HIF3A: variants seen among roughly 807,000 people sequenced by gnomAD.
HIF3A encodes the protein hypoxia-inducible factor 3-alpha.
HIF3A carries 41 observed loss-of-function variants against 67.2 expected under a neutral mutation model. That is an observed-to-expected ratio of 0.61 (90% CI 0.48 to 0.79). The LOEUF (loss-of-function observed/expected upper bound fraction) is 0.79. HIF3A is among the 30% of genes least tolerant of loss of function. HIF3A has a pLI of 0.00. For missense variants in HIF3A, 855 were observed against 898.0 expected, an observed-to-expected ratio of 0.95 and a Z score of 0.61; for synonymous variants, 356 against 374.8, an observed-to-expected ratio of 0.95 and a Z score of 0.58.
At chr19:46,298,656 C>A in intron 1 of HIF3A, 1 of 539,958 alleles carries the variant, frequency 1.9e-6, no homozygotes, top group Non-Finnish European at 2.8e-6. Flanking sequence ...AGGTAGTATT[C>A]CCGGAGAAGA....
intron 13 of HIF3A, among the ~76,000 whole-genome samples, chr19:46,333,981 G>A (rs372497754): frequency 2.5e-4 from 38 of 151,574 alleles, no homozygotes; most frequent in African/African-American, 8.7e-4. Flanking sequence ...TTTTAGTAGA[G>A]ACAGGGTTTC....
rs768224285 is a variant in HIF3A, at chr19:46,334,960, C to T, written c.1886C>T (p.Pro629Leu). 6 of 1,607,772 alleles carry T rather than the reference C, an allele frequency of 3.7e-6. No homozygotes were observed. The highest frequency in any genetic ancestry group is 5.1e-6 in the Non-Finnish European group (6 of 1,177,066). The change falls in exon 14 of 15, where the codon CCA (proline) becomes CTA (leucine). Residue 629 changes from proline to leucine, a missense_variant. Coordinates refer to ENST00000377670, the MANE Select transcript of HIF3A (RefSeq NM_152795.4). Reference protein sequence around the residue: ...APGSLQDPSTPLLNLNEPLGL... With the variant: ...APGSLQDPSTLLLNLNEPLGL... ...GGGAGCCTGCAGGACCCCAGCACCC[C>T]ACTCCTGAACCTGAATGAGCCCCTG...
chr19:46,303,604 A>G lies in HIF3A; in HGVS notation c.27-294A>G, dbSNP rs897999950. ...TAGCCTGGGAAATAAACTGCAGATA[A>G]GTCAGGGAGGGGACAGAGCGGCCCT... is the stretch of plus-strand genomic sequence containing the variant. On this transcript the variant is annotated intron_variant, in intron 1 of 14. Coordinates refer to ENST00000377670, the MANE Select transcript of HIF3A (RefSeq NM_152795.4). 1.9e-6 allele frequency: 3 copies of G among 1,555,760 alleles called. No homozygotes were observed. In the African/African-American group the frequency reaches 4.1e-5, roughly 21 times the overall value.
chr19:46,306,496 G>A (rs1281216724), intron 3 of HIF3A: 2 of 152,216 alleles, frequency 1.3e-5, no homozygotes, highest in Non-Finnish European at 2.9e-5. Flanking sequence ...TCATGCATTT[G>A]CATATCATCC....
At chr19:46,302,700 A>G (rs1385665356) in intron 1 of HIF3A, among the ~76,000 whole-genome samples, 2 of 152,054 alleles carry the variant, frequency 1.3e-5, no homozygotes, top group East Asian at 3.9e-4. Flanking sequence ...AAAATGACAC[A>G]CTGTCTCTAC....
Position 46,341,430 on chromosome 19 carries a change from C to T in HIF3A, c.*1808C>T, listed in dbSNP as rs562901974. 5 of 152,032 alleles carry T rather than the reference C, an allele frequency of 3.3e-5. No individual in the cohort carries two copies. In the East Asian group the frequency reaches 7.8e-4, roughly 24 times the overall value. The allele number at this position is 152,032 out of a possible 1,614,324, so 9.4% of individuals were successfully genotyped here. Reference sequence around the variant, plus strand: ...GGCCAGGCTGGTCTTGAACTCCCGACCTCAACTGATCCACCCGCCTCAGCC... The same window carrying T: ...GGCCAGGCTGGTCTTGAACTCCCGATCTCAACTGATCCACCCGCCTCAGCC... On this transcript the variant is annotated 3_prime_UTR_variant, in exon 15 of 15. Transcript: ENST00000377670.
chr19:46,324,784 G>A (rs550169106), intron 10 of HIF3A, among the ~76,000 whole-genome samples: 21 of 151,300 alleles, frequency 1.4e-4, no homozygotes, highest in African/African-American at 4.9e-4. Flanking sequence ...AATCCAGGAG[G>A]TGGAGGTTGC....
rs1298937203 is a variant in HIF3A, at chr19:46,297,092, C to T, written c.16C>T (p.Gln6Ter). ...CTGGCGAGCCATGGCGCTGGGGCTG[C>T]AGCGCGCAAGGTACTGAAGTTCGGG... is the stretch of plus-strand genomic sequence containing the variant. MALGL[Q>*]RARSTTELRK... Residue 6 changes from glutamine (Q) to a stop codon, truncating the protein, a stop_gained, in exon 1 of 15, where the codon CAG (glutamine) becomes TAG (stop). Transcript: ENST00000377670. LOFTEE classifies it high-confidence loss of function. The surrounding 1 kb of genome is among the most constrained non-coding windows in gnomAD (Gnocchi z 4.5). 2 of 1,305,584 alleles carry T rather than the reference C, an allele frequency of 1.5e-6. No individual in the cohort carries two copies. The highest frequency in any genetic ancestry group is 2.0e-6 in the Non-Finnish European group (2 of 1,017,354). 80.9% of individuals were successfully genotyped at this position (1,305,584 alleles called of 1,614,324 possible). A position where few individuals can be genotyped will look rare whatever the true frequency, so the allele number is the denominator to read the frequency against.
At chr19:46,303,623 C>A in intron 1 of HIF3A, 1 of 1,571,214 alleles carries the variant, frequency 6.4e-7, no homozygotes, top group Non-Finnish European at 8.6e-7. Context: ...GGGGACAGAG[C>A]GGCCCTAGGC....
At chr19:46,331,837 A>G (rs1332340375) in intron 13 of HIF3A, among the ~76,000 whole-genome samples, 1 of 146,088 alleles carries the variant, frequency 6.8e-6, no homozygotes, top group Non-Finnish European at 1.5e-5. Context: ...TCTAGGCAAC[A>G]AGAGTGAAAC....
intron 1 of HIF3A, chr19:46,303,524 G>T: frequency 8.3e-7 from 1 of 1,199,238 alleles, no homozygotes; most frequent in Non-Finnish European, 1.2e-6. Flanking sequence ...CTGGCCCCTG[G>T]CCAGCTCAGC....
rs959870802 is a variant in HIF3A at position 46,298,363 on chromosome 19, GC to G, written c.26+1268del. ...GGGCCCCTCTTGGCTGAGCTCGGGT[GC>G]CCCCCCTCCCCACCCAAGGCCGGCC... is the stretch of plus-strand genomic sequence containing the variant. On this transcript the variant is annotated intron_variant, in intron 1 of 14. Transcript: ENST00000377670. The G allele has an allele frequency of 4.7e-4, 586 of 1,255,656 alleles. 2 individuals carry two copies. The highest frequency in any genetic ancestry group is 6.9e-4 in the Middle Eastern group (3 of 4,348). The allele number at this position is 1,255,656 out of a possible 1,614,324, so 77.8% of individuals were successfully genotyped here. A position where few individuals can be genotyped will look rare whatever the true frequency, so the allele number is the denominator to read the frequency against.
At chr19:46,312,882 ATTTTTT>A (rs531816670) in intron 8 of HIF3A, 814 of 877,636 alleles carry the variant, frequency 9.3e-4, no homozygotes, top group Middle Eastern at 2.9e-3. Flanking sequence ...TAGACTGTTA[ATTTTTT>A]TTTTTTTTTT....
Position 46,307,435 on chromosome 19 carries a change from T to G in HIF3A, c.364-786T>G, listed in dbSNP as rs948169566. Among the ~76,000 whole-genome samples, 6 of 148,690 alleles carry G rather than the reference T, an allele frequency of 4.0e-5. No individual in the cohort carries two copies. The East Asian group carries it at 1.2e-3, about 29-fold the overall frequency. The stretch of plus-strand genomic sequence containing the variant: ...TGGGCAACATGGTGAGACCCCCATT[T>G]CTACAAAAAAATTTGTAAAAATTAG... On this transcript the variant is annotated intron_variant, in intron 3 of 14. Coordinates refer to ENST00000377670, the MANE Select transcript of HIF3A (RefSeq NM_152795.4).
intron 8 of HIF3A, among the ~76,000 whole-genome samples, chr19:46,317,612 G>C (rs1970020727): frequency 6.6e-6 from 1 of 151,964 alleles, no homozygotes; most frequent in South Asian, 2.1e-4. Context: ...TCTCAGCTCA[G>C]ACATCACTTC....
At position 46,329,112 on chromosome 19, in the gene HIF3A, C is replaced by T. The variant is rs1209718690; in HGVS notation, c.1441-95C>T. On this transcript the variant is annotated intron_variant, in intron 11 of 14. Coordinates refer to ENST00000377670, the MANE Select transcript of HIF3A (RefSeq NM_152795.4). The stretch of plus-strand genomic sequence containing the variant: ...AAACTGAAGCTCAGACTGTTGACCA[C>T]AGGCACAGAACTCAGAAGTGATGGT... The T allele has an allele frequency of 6.6e-6, 8 of 1,214,856 alleles. No homozygotes were observed. In the Admixed American group the frequency reaches 1.2e-4, roughly 18 times the overall value. 75.3% of individuals were successfully genotyped at this position (1,214,856 alleles called of 1,614,324 possible).
chr19:46,301,685 G>C (rs1050498576), intron 1 of HIF3A, among the ~76,000 whole-genome samples: 3 of 151,986 alleles, frequency 2.0e-5, no homozygotes, highest in African/African-American at 7.2e-5. Flanking sequence ...AATTAGCCGG[G>C]CGTGGTGGCA....
chr19:46,303,788 G>A (rs1968549545), intron 1 of HIF3A, 110 bp from the exon 2 acceptor site: 2 of 1,498,754 alleles, frequency 1.3e-6, no homozygotes, highest in Non-Finnish European at 1.8e-6. Flanking sequence ...CGCAGCCGCG[G>A]CCCAGCACTC....
At chr19:46,304,944 T>G in intron 2 of HIF3A, 1 of 455,412 alleles carries the variant, frequency 2.2e-6, no homozygotes, top group East Asian at 4.6e-5. Context: ...GGGAGTTCCA[T>G]CCACTTAGAA....
Sources: allele counts gnomAD v4.1 joint callset (sites outside exome capture counted in the v4.1 genomes callset), GRCh38; gene constraint gnomAD v4.1.1; non-coding constraint Gnocchi (gnomAD v3.1); transcripts MANE v1.5; gene names NCBI Gene and HGNC (gene_info 2026-07-23, HGNC 2026-07-21).